Variants in CDH11 observed in about 807,000 individuals in gnomAD.
CDH11 encodes cadherin 11, also known as cadherin-11.
A neutral mutation model predicts 67.8 loss-of-function variants in CDH11; 11 were observed. That is an observed-to-expected ratio of 0.16 (90% CI 0.10 to 0.27). The LOEUF (loss-of-function observed/expected upper bound fraction) is 0.27. Ranked by LOEUF, CDH11 falls within the 10% of genes least tolerant of loss-of-function variation. The pLI, the probability that CDH11 is intolerant of heterozygous loss-of-function variation, is 1.00. For missense variants in CDH11, 847 were observed against 1,031.2 expected, an observed-to-expected ratio of 0.82 and a Z score of 2.45; for synonymous variants, 419 against 400.0, an observed-to-expected ratio of 1.05 and a Z score of -0.57.
chr16:65,080,754 A>T (rs2074596761), intron 1 of CDH11, among the ~76,000 whole-genome samples: 1 of 152,016 alleles, frequency 6.6e-6, no homozygotes, highest in African/African-American at 2.4e-5. Flanking sequence ...GTTTTCACAG[A>T]TTTGTTCTTT....
intron 12 of CDH11, among the ~76,000 whole-genome samples, chr16:64,949,322 C>T (rs1172694195): frequency 6.6e-6 from 1 of 152,008 alleles, no homozygotes; most frequent in Non-Finnish European, 1.5e-5. Flanking sequence ...TTATCCAAGC[C>T]TCTGTCCTCA....
chr16:65,103,363 T>C (rs1051605845), intron 1 of CDH11, among the ~76,000 whole-genome samples: 2 of 152,232 alleles, frequency 1.3e-5, no homozygotes, highest in Non-Finnish European at 2.9e-5. Flanking sequence ...AACAGAATTG[T>C]TATATTAATG....
chr16:65,022,317 T>C (rs1278030440), intron 2 of CDH11, among the ~76,000 whole-genome samples: 2 of 152,158 alleles, frequency 1.3e-5, no homozygotes, highest in Non-Finnish European at 2.9e-5. Flanking sequence ...ACTCTAACCA[T>C]GAAATAGTAA....
chr16:65,001,688 T>A (rs1378652916), intron 3 of CDH11, among the ~76,000 whole-genome samples: 1 of 152,124 alleles, frequency 6.6e-6, no homozygotes, highest in African/African-American at 2.4e-5. Context: ...TACTTTGTTT[T>A]CAGGTTGGAA....
chr16:65,039,323 A>C (rs2073817581), intron 2 of CDH11, among the ~76,000 whole-genome samples: 1 of 152,232 alleles, frequency 6.6e-6, no homozygotes, highest in Admixed American at 6.5e-5. Context: ...CTACAAGGCT[A>C]CAGTAACCAA....
intron 2 of CDH11, among the ~76,000 whole-genome samples, chr16:65,036,197 A>G (rs1268916656): frequency 1.3e-5 from 2 of 152,188 alleles, no homozygotes; most frequent in Non-Finnish European, 2.9e-5. Flanking sequence ...AGGTCATATG[A>G]CTACTGTGAT....
At chr16:65,114,289 C>A (rs527426675) in intron 1 of CDH11, among the ~76,000 whole-genome samples, 1 of 152,202 alleles carries the variant, frequency 6.6e-6, no homozygotes, top group East Asian at 1.9e-4. Context: ...TTTGTAGGAG[C>A]TGAGGATTGA....
At position 64,945,902 on chromosome 16, in the gene CDH11, G is replaced by A; in HGVS notation, c.*1701C>T. Reference sequence around the variant, plus strand: ...GAAAAAGCACGTGCCCTGTGTGTAGGGGGAAAGAGGGAAAGCACTTGCAGT... The same window carrying A: ...GAAAAAGCACGTGCCCTGTGTGTAGAGGGAAAGAGGGAAAGCACTTGCAGT... On this transcript the variant is annotated 3_prime_UTR_variant, in exon 13 of 13. Coordinates refer to ENST00000268603, the MANE Select transcript of CDH11 (RefSeq NM_001797.4). 1 of 1,058,032 alleles carries A rather than the reference G, an allele frequency of 9.5e-7. No individual in the cohort carries two copies. The highest frequency in any genetic ancestry group is 1.1e-6 in the Non-Finnish European group (1 of 874,752). 65.5% of individuals were successfully genotyped at this position (1,058,032 alleles called of 1,614,324 possible).
intron 1 of CDH11, among the ~76,000 whole-genome samples, chr16:65,058,283 T>A (rs1418797543): frequency 6.6e-6 from 1 of 152,178 alleles, no homozygotes; most frequent in Non-Finnish European, 1.5e-5. Flanking sequence ...TTTTGGATAT[T>A]TTGGAACATA....
intron 1 of CDH11, among the ~76,000 whole-genome samples, chr16:65,096,716 T>C (rs188196888): frequency 2.6e-5 from 4 of 151,888 alleles, no homozygotes; most frequent in East Asian, 1.9e-4. Flanking sequence ...GGGGTGTGTG[T>C]GTGTGTATCC....
chr16:65,001,654 A>C (rs1361809311), intron 3 of CDH11, among the ~76,000 whole-genome samples: 1 of 152,218 alleles, frequency 6.6e-6, no homozygotes, highest in African/African-American at 2.4e-5. Context: ...TAAAAATTTA[A>C]CAAAACATTT....
rs1412125040 is a variant in CDH11, at chr16:64,978,049, C to A, written c.1253+3999G>T. ...TTCCTTTCATATTTAGATCCATTTA[C>A]TTTTTCATAAGTAAATTCATTAGTG... On this transcript the variant is annotated intron_variant, in intron 8 of 12. Transcript: ENST00000268603. 2.6e-5 allele frequency among the ~76,000 whole-genome samples: 4 copies of A among 152,204 alleles called. No individual in the cohort carries two copies. The East Asian group carries it at 7.7e-4, about 29-fold the overall frequency.
intron 4 of CDH11, 139 bp from the exon 5 acceptor site, chr16:64,993,173 G>A (rs2072673930): frequency 5.0e-6 from 3 of 604,108 alleles, no homozygotes; most frequent in South Asian, 4.2e-5. Flanking sequence ...CTGGAGTTGA[G>A]ATGCAAAATA....
chr16:64,995,629 C>A (rs924054549), intron 4 of CDH11, among the ~76,000 whole-genome samples: 12 of 152,112 alleles, frequency 7.9e-5, no homozygotes, highest in African/African-American at 2.9e-4. Context: ...AGACCTCAAA[C>A]TATAAATGCC....
At chr16:65,070,125 T>C (rs945953799) in intron 1 of CDH11, among the ~76,000 whole-genome samples, 1 of 152,208 alleles carries the variant, frequency 6.6e-6, no homozygotes, top group Admixed American at 6.5e-5. Context: ...ACTCAGAGCC[T>C]CACTTTCCCC....
At chr16:65,005,748 C>T (rs775014134) in intron 2 of CDH11, among the ~76,000 whole-genome samples, 1 of 152,138 alleles carries the variant, frequency 6.6e-6, no homozygotes, top group Admixed American at 6.5e-5. Context: ...GATCCATCCA[C>T]GAAGCCAAAG....
chr16:65,021,506 A>G (rs1298041442), intron 2 of CDH11, among the ~76,000 whole-genome samples: 1 of 151,764 alleles, frequency 6.6e-6, no homozygotes, highest in Non-Finnish European at 1.5e-5. Flanking sequence ...TTCTTATTTC[A>G]GAGAAACAAG....
Position 65,122,058 on chromosome 16 carries a change from C to G in CDH11, c.-476G>C, listed in dbSNP as rs1272246710. 64 of 510,260 alleles carry G rather than the reference C, an allele frequency of 1.3e-4. No individual in the cohort carries two copies. The highest frequency in any genetic ancestry group is 1.8e-5 in the Non-Finnish European group (5 of 275,816). The allele number at this position is 510,260 out of a possible 1,614,324, so 31.6% of individuals were successfully genotyped here. ...CGCTCCCCTCAGCTGGCGGCGGCCG[C>G]GGAATGAGCCGCCGAGCGCGCTAGT... On this transcript the variant is annotated 5_prime_UTR_variant, in exon 1 of 13. Coordinates refer to ENST00000268603, the MANE Select transcript of CDH11 (RefSeq NM_001797.4).
chr16:64,958,643 T>C (rs16968237), intron 11 of CDH11, among the ~76,000 whole-genome samples: 31,818 of 152,094 alleles, frequency 0.21, 3,913 homozygotes, highest in East Asian at 0.46. Context: ...CTAGGTTTCA[T>C]TGAATTTTAT....
Sources: allele counts gnomAD v4.1 joint callset (sites outside exome capture counted in the v4.1 genomes callset), GRCh38; gene constraint gnomAD v4.1.1; transcripts MANE v1.5; gene names NCBI Gene and HGNC (gene_info 2026-07-23, HGNC 2026-07-21).